STAG2: variants seen among roughly 807,000 people sequenced by gnomAD.
STAG2 encodes STAG2 cohesin complex component.
In STAG2, 14 loss-of-function variants were observed where a neutral mutation model predicts 108.1. That is an observed-to-expected ratio of 0.13 (90% CI 0.09 to 0.20). The LOEUF (loss-of-function observed/expected upper bound fraction) is 0.20, where lower values mean the gene tolerates loss of function less well. Among genes scored for constraint, STAG2 ranks in the 10% least tolerant of loss-of-function variants. STAG2 has a pLI of 1.00. For synonymous variants in STAG2, 307 were observed against 302.7 expected (o/e 1.01, Z -0.15); for missense variants, 440 against 940.9 (o/e 0.47, Z 6.96).
intron 1 of STAG2, among the ~76,000 whole-genome samples, chrX:123,996,871 A>G (rs771976541): frequency 8.9e-6 from 1 of 112,553 alleles, no homozygotes; most frequent in Admixed American, 9.4e-5. Context: ...TGATAGTTTT[A>G]GGTTTTTACA....
intron 25 of STAG2, among the ~76,000 whole-genome samples, chrX:124,072,904 C>CTTTTTTTTTTTTT (rs779996801): frequency 2.5e-4 from 18 of 72,689 alleles, no homozygotes; most frequent in Admixed American, 5.0e-4. Context: ...TTCTTTCTTT[C>CTTTTTTTTTTTTT]TTTTTTTTTT....
chrX:124,038,564 C>T (rs751792805), intron 6 of STAG2, among the ~76,000 whole-genome samples: 10 of 111,359 alleles, frequency 9.0e-5, no homozygotes, highest in Non-Finnish European at 9.4e-5. Flanking sequence ...CAATTCAATT[C>T]TGCAGTATTC....
At chrX:124,082,405 CTGTT>C (rs2148439524) in intron 28 of STAG2, among the ~76,000 whole-genome samples, 1 of 111,916 alleles carries the variant, frequency 8.9e-6, no homozygotes, top group African/African-American at 3.2e-5. Flanking sequence ...AACCCTTTAT[CTGTT>C]ACCTGTGGGT....
chrX:124,016,646 T>G (rs1381165654), intron 1 of STAG2, among the ~76,000 whole-genome samples: 1 of 111,653 alleles, frequency 9.0e-6, no homozygotes, highest in Non-Finnish European at 1.9e-5. Context: ...CTATCAGACC[T>G]TGACACAACA....
chrX:124,044,943 G>A (rs776192873), intron 7 of STAG2, among the ~76,000 whole-genome samples: 7 of 111,630 alleles, frequency 6.3e-5, no homozygotes, highest in Admixed American at 2.9e-4. Flanking sequence ...ATTGATTAAA[G>A]TGAATTCAGA....
In STAG2 at chrX:124,063,171, A is replaced by G; in HGVS notation, c.1787A>G (p.Asp596Gly). ...TTGTTGCAGTTGCCTCAGTACTTTGATTTGGAAATATATACCACTGGACGA... is the reference window on the plus strand; with the variant it reads ...TTGTTGCAGTTGCCTCAGTACTTTGGTTTGGAAATATATACCACTGGACGA... ...TNLLQLPQYFDLEIYTTGRLE... is the reference protein window; with the variant it reads ...TNLLQLPQYFGLEIYTTGRLE... Residue 596 changes from aspartate to glycine, a missense_variant, in exon 19 of 35, where the codon GAT becomes GGT. Around this residue, in one of 3 missense-constraint regions of STAG2, gnomAD observed 337 missense variants for 649.3 expected, o/e 0.52. Transcript: ENST00000371145. The G allele has an allele frequency of 8.3e-7, 1 of 1,204,852 alleles. No individual in the cohort carries two copies. The highest frequency in any genetic ancestry group is 1.1e-6 in the Non-Finnish European group (1 of 890,842).
intron 1 of STAG2, among the ~76,000 whole-genome samples, chrX:123,999,545 A>G (rs1412878177): frequency 9.0e-6 from 1 of 111,184 alleles, no homozygotes; most frequent in Non-Finnish European, 1.9e-5. Flanking sequence ...TGTGGGTTCA[A>G]GTGATTCTCT....
At chrX:124,038,755 A>T (rs1007617487) in intron 6 of STAG2, among the ~76,000 whole-genome samples, 13 of 111,591 alleles carry the variant, frequency 1.2e-4, no homozygotes, top group African/African-American at 3.9e-4. Context: ...AAATTTAAAA[A>T]ATTGTCTTAA....
intron 8 of STAG2, 66 bp from the exon 9 acceptor site, chrX:124,047,288 A>G (rs1178159892): frequency 7.2e-6 from 7 of 967,816 alleles, no homozygotes; most frequent in Non-Finnish European, 9.7e-6. Context: ...TTTCTATTTG[A>G]TCTTAAATTG....
chrX:124,059,219 A>G (rs1269171297), intron 15 of STAG2, among the ~76,000 whole-genome samples: 2 of 112,053 alleles, frequency 1.8e-5, no homozygotes, highest in Admixed American at 1.9e-4. Flanking sequence ...TGGAAGGCTG[A>G]GGCACAAGAA....
intron 25 of STAG2, among the ~76,000 whole-genome samples, chrX:124,071,590 A>G (rs2058666717): frequency 9.0e-6 from 1 of 111,653 alleles, no homozygotes; most frequent in Non-Finnish European, 1.9e-5. Flanking sequence ...AAAACTGTTA[A>G]AAATTGAGTC....
intron 5 of STAG2, among the ~76,000 whole-genome samples, chrX:124,035,627 G>T (rs1305032291): frequency 8.9e-6 from 1 of 112,156 alleles, no homozygotes; most frequent in Non-Finnish European, 1.9e-5. Flanking sequence ...TTGAGTGCCT[G>T]GCACTAACAC....
intron 33 of STAG2, 60 bp downstream of exon 33, chrX:124,094,204 G>T (rs2059324283): frequency 1.8e-6 from 2 of 1,097,007 alleles, no homozygotes; most frequent in Non-Finnish European, 1.2e-6. Context: ...AATTATGTTG[G>T]ATATTTATTA....
chrX:123,964,065 C>T (rs1039872241), intron 1 of STAG2, among the ~76,000 whole-genome samples: 6 of 111,346 alleles, frequency 5.4e-5, no homozygotes, highest in African/African-American at 2.0e-4. Flanking sequence ...TACTATTATT[C>T]TCTCTACTTT....
chrX:124,043,315 G>A (rs1230293155), intron 7 of STAG2, among the ~76,000 whole-genome samples: 1 of 108,884 alleles, frequency 9.2e-6, no homozygotes, highest in Non-Finnish European at 1.9e-5. Flanking sequence ...TTTTAGTAGA[G>A]ACATGGTGGG....
intron 1 of STAG2, among the ~76,000 whole-genome samples, chrX:123,983,536 A>G (rs763579518): frequency 1.8e-5 from 2 of 111,522 alleles, no homozygotes; most frequent in South Asian, 7.4e-4. Context: ...GCCTATAGTG[A>G]AATGAGATTT....
chrX:124,092,640 A>G (rs17325429), intron 32 of STAG2, among the ~76,000 whole-genome samples: 17,734 of 111,984 alleles, frequency 0.16, 1,164 homozygotes, highest in South Asian at 0.36. Context: ...TAAGTCATCT[A>G]TTGCATGGGA....
chrX:124,050,810 A>G (rs1236780540), intron 11 of STAG2, among the ~76,000 whole-genome samples: 1 of 111,459 alleles, frequency 9.0e-6, no homozygotes, highest in Non-Finnish European at 1.9e-5. Flanking sequence ...CTTTCCAAAC[A>G]TTACTTCCCA....
At chrX:123,977,621 C>G (rs908284741) in intron 1 of STAG2, among the ~76,000 whole-genome samples, 2 of 110,614 alleles carry the variant, frequency 1.8e-5, no homozygotes, top group African/African-American at 6.6e-5. Flanking sequence ...TTTCGTGACT[C>G]AGAAACATTT....
Sources: allele counts gnomAD v4.1 joint callset (sites outside exome capture counted in the v4.1 genomes callset), GRCh38; gene constraint gnomAD v4.1.1; regional missense constraint gnomAD v4.1.1; transcripts MANE v1.5; gene names NCBI Gene and HGNC (gene_info 2026-07-23, HGNC 2026-07-21).